Variants in RPTOR observed in about 807,000 individuals in gnomAD.
RPTOR encodes regulatory associated protein of MTOR complex 1.
A neutral mutation model predicts 169.9 loss-of-function variants in RPTOR; 21 were observed. The ratio of observed to expected loss-of-function variants is 0.12; its 90% CI spans 0.09 to 0.18. The LOEUF (loss-of-function observed/expected upper bound fraction) is 0.18, where lower values mean the gene tolerates loss of function less well. RPTOR is among the 10% of genes least tolerant of loss of function. The probability of loss-of-function intolerance (pLI) is 1.00; values close to 1 mark genes in which losing one functional copy is unlikely to be tolerated. For synonymous variants in RPTOR, 732 were observed against 753.2 expected, an observed-to-expected ratio of 0.97 and a Z score of 0.46; for missense variants, 1,133 against 1,855.9, an observed-to-expected ratio of 0.61 and a Z score of 7.16.
At chr17:80,758,475 C>G (rs1598285121) in intron 6 of RPTOR, among the ~76,000 whole-genome samples, 2 of 152,278 alleles carry the variant, frequency 1.3e-5, no homozygotes, top group Admixed American at 1.3e-4. Flanking sequence ...AGAAAAATGA[C>G]TTCATCAGAA....
chr17:80,891,603 A>T, intron 17 of RPTOR, 117 bp from the exon 18 acceptor site: 1 of 712,822 alleles, frequency 1.4e-6, no homozygotes, highest in Non-Finnish European at 2.4e-6. Context: ...TTCTGATGCC[A>T]ATTGCACGGT....
chr17:80,700,799 ATGATGATGGTGGTGATGGTGATGG>A (rs2066093545), intron 3 of RPTOR, among the ~76,000 whole-genome samples: 1 of 11,910 alleles, frequency 8.4e-5, no homozygotes, highest in Admixed American at 8.3e-4. Flanking sequence ...GGTGGTGGTG[ATGATGATGGTGGTGATGGTGATGG>A]TGGTGGTGGT....
intron 2 of RPTOR, among the ~76,000 whole-genome samples, chr17:80,636,278 T>C (rs1448391686): frequency 6.6e-6 from 1 of 152,014 alleles, no homozygotes; most frequent in African/African-American, 2.4e-5. Flanking sequence ...TACCCCAACA[T>C]CACAACACCT....
At chr17:80,922,698 TC>T in intron 21 of RPTOR, 25 bp from the exon 22 acceptor site, 1 of 1,550,428 alleles carries the variant, frequency 6.4e-7, no homozygotes. Flanking sequence ...CGTCTGACCT[TC>T]ACACCCCCAT....
intron 20 of RPTOR, among the ~76,000 whole-genome samples, chr17:80,902,268 G>A (rs911515504): frequency 6.6e-6 from 1 of 152,174 alleles, no homozygotes; most frequent in Non-Finnish European, 1.5e-5. Context: ...CGCATTTTCT[G>A]TAGAGGCCAA....
chr17:80,925,684 C>T (rs543333328), intron 24 of RPTOR, among the ~76,000 whole-genome samples: 5 of 152,254 alleles, frequency 3.3e-5, no homozygotes, highest in African/African-American at 4.8e-5. Context: ...AAACCTGCCT[C>T]GCTGGAGCTT....
At chr17:80,605,060 G>GATTTTCTCTTATGGGTTGGAGTAAGGT (rs2065218939) in intron 1 of RPTOR, among the ~76,000 whole-genome samples, 1 of 152,076 alleles carries the variant, frequency 6.6e-6, no homozygotes, top group Non-Finnish European at 1.5e-5. Context: ...ACACCTGGCT[G>GATTTTCTCTTATGGGTTGGAGTAAGGT]ATTTTCTCTT....
At chr17:80,592,528 A>G (rs562571532) in intron 1 of RPTOR, among the ~76,000 whole-genome samples, 1 of 152,188 alleles carries the variant, frequency 6.6e-6, no homozygotes, top group East Asian at 1.9e-4. Flanking sequence ...CCAGTTCAGC[A>G]AGCTCGTTTA....
chr17:80,920,560 G>T (rs1410898836), intron 21 of RPTOR, among the ~76,000 whole-genome samples: 5 of 152,020 alleles, frequency 3.3e-5, no homozygotes, highest in Non-Finnish European at 7.3e-5. Context: ...CAGAGCAGAG[G>T]GTTCGTCACC....
At chr17:80,759,210 A>G (rs1035211200) in intron 6 of RPTOR, among the ~76,000 whole-genome samples, 4 of 152,076 alleles carry the variant, frequency 2.6e-5, no homozygotes, top group African/African-American at 9.7e-5. Context: ...AAAATAAAGA[A>G]GTATGCTTTC....
chr17:80,553,630 G>T (rs1057096222), intron 1 of RPTOR, among the ~76,000 whole-genome samples: 2 of 152,172 alleles, frequency 1.3e-5, no homozygotes, highest in African/African-American at 4.8e-5. Context: ...AATATTTCCA[G>T]ATGACCAATC....
chr17:80,652,402 G>A (rs570170637), intron 3 of RPTOR, among the ~76,000 whole-genome samples: 14 of 152,218 alleles, frequency 9.2e-5, no homozygotes, highest in Non-Finnish European at 1.9e-4. Context: ...GAGCCATACA[G>A]TATGTGGCCT....
At chr17:80,810,382 G>A (rs371213898) in intron 7 of RPTOR, among the ~76,000 whole-genome samples, 6 of 150,970 alleles carry the variant, frequency 4.0e-5, no homozygotes, top group African/African-American at 1.5e-4. Context: ...AATTGTTCCA[G>A]CACTGTTTGT....
At chr17:80,647,373 AT>A (rs2065604328) in intron 3 of RPTOR, among the ~76,000 whole-genome samples, 1 of 152,192 alleles carries the variant, frequency 6.6e-6, no homozygotes, top group Non-Finnish European at 1.5e-5. Context: ...GGAGTAGGAG[AT>A]TATTATAAAG....
chr17:80,868,882 T>G (rs977509081), intron 13 of RPTOR, among the ~76,000 whole-genome samples: 11 of 152,168 alleles, frequency 7.2e-5, no homozygotes, highest in African/African-American at 2.7e-4. Context: ...TGCCATTCAT[T>G]TAAAACTCTA....
chr17:80,950,444 C>T (rs2069160692), intron 28 of RPTOR, among the ~76,000 whole-genome samples: 1 of 152,122 alleles, frequency 6.6e-6, no homozygotes, highest in Non-Finnish European at 1.5e-5. Context: ...TGCCAACCCT[C>T]ACGTGCCTCG....
intron 20 of RPTOR, among the ~76,000 whole-genome samples, chr17:80,904,769 G>A (rs949386503): frequency 1.3e-5 from 2 of 152,170 alleles, no homozygotes; most frequent in African/African-American, 4.8e-5. Context: ...CAACAGGACA[G>A]TTCATACAAC....
chr17:80,890,823 C>A (rs1000024292), intron 17 of RPTOR, among the ~76,000 whole-genome samples: 4 of 151,954 alleles, frequency 2.6e-5, no homozygotes, highest in Admixed American at 2.6e-4. Context: ...ACAGAGAGTG[C>A]GTAGACGGAG....
chr17:80,755,419 T>C (rs934441545), intron 6 of RPTOR, among the ~76,000 whole-genome samples: 1 of 151,838 alleles, frequency 6.6e-6, no homozygotes, highest in Non-Finnish European at 1.5e-5. Context: ...CTGGGCAACA[T>C]AGGGAGACCT....
Sources: allele counts gnomAD v4.1 joint callset (sites outside exome capture counted in the v4.1 genomes callset), GRCh38; gene constraint gnomAD v4.1.1; transcripts MANE v1.5; gene names NCBI Gene and HGNC (gene_info 2026-07-23, HGNC 2026-07-21).